Variants in GAS2 observed in about 807,000 individuals in gnomAD.
The protein encoded by GAS2 is growth arrest specific 2.
Under a neutral mutation model 37.5 loss-of-function variants are expected in GAS2, and 20 were observed. The observed-to-expected ratio is 0.53, with a 90% CI of 0.37 to 0.77. The LOEUF (loss-of-function observed/expected upper bound fraction) is 0.77, where lower values mean the gene tolerates loss of function less well. GAS2 is among the 30% of genes least tolerant of loss of function. The pLI, the probability that GAS2 is intolerant of heterozygous loss-of-function variation, is 0.00. For missense variants in GAS2, 336 were observed against 373.4 expected (o/e 0.90, Z 0.82); for synonymous variants, 144 against 132.2 (o/e 1.09, Z -0.61).
chr11:22,720,611 A>T (rs1198138078), intron 3 of GAS2, among the ~76,000 whole-genome samples: 1 of 152,030 alleles, frequency 6.6e-6, no homozygotes, highest in African/African-American at 2.4e-5. Context: ...TCCATCATGG[A>T]AAGAGTGAGT....
At position 22,666,749 on chromosome 11, in the gene GAS2, C is replaced by A. The variant is rs374005920; in HGVS notation, c.-171C>A. On this transcript the variant is annotated 5_prime_UTR_variant, in exon 1 of 8. In the 5' UTR this introduces an upstream ATG that the reference lacks. Transcript: ENST00000454584. ...ATGAAGAGGGGTAGTGCGGCTGTAGCTGCTGCCGCTGCCGCCAGGCTGGTG... is the reference window on the plus strand; with the variant it reads ...ATGAAGAGGGGTAGTGCGGCTGTAGATGCTGCCGCTGCCGCCAGGCTGGTG... 1 of 152,530 alleles carries A rather than the reference C, an allele frequency of 6.6e-6. No homozygotes were observed. The highest frequency in any genetic ancestry group is 2.4e-5 in the African/African-American group (1 of 41,470). The allele number at this position is 152,530 out of a possible 1,614,324, so 9.4% of individuals were successfully genotyped here.
chr11:22,800,605 G>C (rs909090880), intron 7 of GAS2, among the ~76,000 whole-genome samples: 1 of 152,016 alleles, frequency 6.6e-6, no homozygotes, highest in Non-Finnish European at 1.5e-5. Flanking sequence ...GCACTTGACA[G>C]ATACTCCTGC....
At chr11:22,745,800 T>TA (rs1337314878) in intron 5 of GAS2, among the ~76,000 whole-genome samples, 1 of 151,842 alleles carries the variant, frequency 6.6e-6, no homozygotes, top group Non-Finnish European at 1.5e-5. Flanking sequence ...AACAGACACT[T>TA]AAAAAAACAT....
chr11:22,779,910 T>A (rs1199194157), intron 7 of GAS2, among the ~76,000 whole-genome samples: 1 of 152,182 alleles, frequency 6.6e-6, no homozygotes, highest in Non-Finnish European at 1.5e-5. Context: ...TAAGGGATAC[T>A]GATCCCAAGC....
rs190627345 is a variant in GAS2 at position 22,698,955 on chromosome 11, T to A, written c.267+13166T>A. On this transcript the variant is annotated intron_variant, in intron 3 of 7. Transcript: ENST00000454584. Reference sequence around the variant, plus strand: ...TGTGCTTTATTTTATTAGGCTAAAATGTTTAATTCCATATCTTATTTTGTG... The same window carrying A: ...TGTGCTTTATTTTATTAGGCTAAAAAGTTTAATTCCATATCTTATTTTGTG... Among the ~76,000 whole-genome samples the A allele has an allele frequency of 2.8e-3, 426 of 152,346 alleles. 2 individuals are homozygous for A. The highest frequency in any genetic ancestry group is 9.8e-3 in the African/African-American group (406 of 41,592).
At chr11:22,761,805 A>G (rs1377708511) in intron 7 of GAS2, among the ~76,000 whole-genome samples, 4 of 152,130 alleles carry the variant, frequency 2.6e-5, no homozygotes, top group Non-Finnish European at 5.9e-5. Context: ...TAACTTCTCA[A>G]AGTTCTAAGG....
chr11:22,647,161 G>C (rs900634111), intron 1 of GAS2, among the ~76,000 whole-genome samples: 1 of 145,412 alleles, frequency 6.9e-6, no homozygotes, highest in Non-Finnish European at 1.5e-5. Flanking sequence ...CTATGAGTGA[G>C]AATATGCAGT....
In GAS2 at chr11:22,632,983, G is replaced by T. The variant is rs114208263; in HGVS notation, c.-21+7170G>T. The stretch of plus-strand genomic sequence containing the variant: ...ACCTGATTTTCTTTTACATTTTATT[G>T]TGTTGTTTTTCACCTTTTTCTTGTA... On this transcript the variant is annotated intron_variant, in intron 1 of 5. Transcript: ENST00000528582. Among the ~76,000 whole-genome samples, 1,194 of 150,564 alleles carry T rather than the reference G, an allele frequency of 7.9e-3. 19 individuals carry two copies. The highest frequency in any genetic ancestry group is 0.028 in the African/African-American group (1,134 of 40,988).
chr11:22,653,024 T>TTTCTTTCTTTCTTTC (rs1848810446), intron 1 of GAS2, among the ~76,000 whole-genome samples: 1 of 148,570 alleles, frequency 6.7e-6, no homozygotes, highest in African/African-American at 2.5e-5. Context: ...TCTTTCTTTC[T>TTTCTTTCTTTCTTTC]TTCTTTCTTT....
chr11:22,705,539 G>T (rs1305070503), intron 3 of GAS2, among the ~76,000 whole-genome samples: 3 of 152,150 alleles, frequency 2.0e-5, no homozygotes, highest in African/African-American at 4.8e-5. Context: ...TTGCAGTCTA[G>T]TTAGGTACAT....
At chr11:22,673,754 AAAAC>A (rs1190958189) in intron 1 of GAS2, among the ~76,000 whole-genome samples, 2 of 152,170 alleles carry the variant, frequency 1.3e-5, no homozygotes, top group East Asian at 1.9e-4. Context: ...TAAAAAATAC[AAAAC>A]AAACAAACAA....
intron 3 of GAS2, among the ~76,000 whole-genome samples, chr11:22,688,913 G>A (rs1192932962): frequency 6.6e-6 from 1 of 152,104 alleles, no homozygotes; most frequent in Non-Finnish European, 1.5e-5. Flanking sequence ...CGGTGGACTG[G>A]CTAAGAAAAT....
rs1396737392 is a variant in GAS2, at chr11:22,750,980, T to C, written c.615+1719T>C. ...TTTTTTTAGTCCGGAAATTATGAGA[T>C]TGCTTCCTGGTATTTGACACTGTTG... On this transcript the variant is annotated intron_variant, in intron 6 of 7. Coordinates refer to ENST00000454584, the MANE Select transcript of GAS2 (RefSeq NM_001143830.3). Among the ~76,000 whole-genome samples, 3 of 151,946 alleles carry C rather than the reference T, an allele frequency of 2.0e-5. No homozygotes were observed. In the East Asian group the frequency reaches 5.8e-4, roughly 29 times the overall value.
chr11:22,626,038 T>G (rs1227967884), intron 1 of GAS2: 3 of 590,026 alleles, frequency 5.1e-6, no homozygotes, highest in South Asian at 1.9e-5. Context: ...GGAGAGCAGA[T>G]GTAGGGCATC....
At chr11:22,805,337 G>A (rs1288985522) in intron 7 of GAS2, among the ~76,000 whole-genome samples, 1 of 152,076 alleles carries the variant, frequency 6.6e-6, no homozygotes, top group Non-Finnish European at 1.5e-5. Context: ...ATTAACAAAT[G>A]TATTACCTAC....
rs532765880 is a variant in GAS2 at position 22,670,479 on chromosome 11, G to A, written c.-21+3580G>A. Among the ~76,000 whole-genome samples, 8 of 152,030 alleles carry A rather than the reference G, an allele frequency of 5.3e-5. No individual in the cohort carries two copies. In the South Asian group the frequency reaches 1.2e-3, roughly 24 times the overall value. ...ATTAATACATTTATTTGTTCTCCCC[G>A]TTGTCCTTTGTCTTTTCTTAATTAT... On this transcript the variant is annotated intron_variant, in intron 1 of 7. Transcript: ENST00000454584.
intron 3 of GAS2, among the ~76,000 whole-genome samples, chr11:22,698,858 A>T (rs1850680496): frequency 6.6e-6 from 1 of 152,196 alleles, no homozygotes; most frequent in Non-Finnish European, 1.5e-5. Flanking sequence ...AATTAATAAG[A>T]AATATTATGT....
chr11:22,672,723 A>G (rs1466692174), intron 1 of GAS2: 1 of 152,128 alleles, frequency 6.6e-6, no homozygotes. Flanking sequence ...TCATGTGCTT[A>G]TATGTATTAC....
chr11:22,739,011 C>T (rs1852905821), intron 5 of GAS2, among the ~76,000 whole-genome samples: 1 of 152,126 alleles, frequency 6.6e-6, no homozygotes, highest in Non-Finnish European at 1.5e-5. Flanking sequence ...GTGGGAAGGC[C>T]TCTGGGGGAG....
Sources: gnomAD v4.1 joint callset for allele counts (sites outside exome capture counted in the v4.1 genomes callset) on GRCh38, gnomAD v4.1.1 for gene constraint, MANE v1.5 for transcripts, NCBI Gene and HGNC (gene_info 2026-07-23, HGNC 2026-07-21) for gene names.